Variants in ADA observed in about 807,000 individuals in gnomAD.
The protein encoded by ADA is adenosine deaminase, also known as adenosine aminohydrolase.
A neutral mutation model predicts 49.0 loss-of-function variants in ADA; 45 were observed. The observed-to-expected ratio is 0.92, with a 90% CI of 0.72 to 1.18. The LOEUF is 1.18. Among genes scored for constraint, ADA ranks in the 50% most tolerant of loss-of-function variants. ADA has a pLI of 0.00. For synonymous variants in ADA, 173 were observed against 184.2 expected, an observed-to-expected ratio of 0.94 and a Z score of 0.49; for missense variants, 445 against 472.5, an observed-to-expected ratio of 0.94 and a Z score of 0.54.
rs1288751372 is a variant in ADA at position 44,629,041 on chromosome 20, A to T, written c.218+6T>A. 1 of 1,614,030 alleles carries T rather than the reference A, an allele frequency of 6.2e-7. No individual in the cohort carries two copies. The highest frequency in any genetic ancestry group is 8.5e-7 in the Non-Finnish European group (1 of 1,180,036). ...CCCTAGGACCTGTGGGTTGGGGGCA[A>T]CTCACGCGATAGCAGGCATGTAGTA... On this transcript the variant is annotated splice_donor_region_variant and intron_variant, in intron 3 of 11. Coordinates refer to ENST00000372874, the MANE Select transcript of ADA (RefSeq NM_000022.4).
chr20:44,636,644 G>A (rs769302037), intron 1 of ADA, among the ~76,000 whole-genome samples: 11 of 152,092 alleles, frequency 7.2e-5, no homozygotes, highest in South Asian at 2.1e-4. Context: ...TGGCAGAGGC[G>A]GAATTCTAAC....
At position 44,624,346 on chromosome 20, in the gene ADA, C is replaced by T; in HGVS notation, c.479-17G>A. ...GGGACCAGTCTGTGGGCGAGATGCC[C>T]ACCCAGGCTCTGTCACCAGCACCAT... On this transcript the variant is annotated splice_polypyrimidine_tract_variant and intron_variant, in intron 5 of 11. Coordinates refer to ENST00000372874, the MANE Select transcript of ADA (RefSeq NM_000022.4). The T allele has an allele frequency of 6.2e-7, 1 of 1,612,518 alleles. No homozygotes were observed. The highest frequency in any genetic ancestry group is 8.5e-7 in the Non-Finnish European group (1 of 1,179,672).
chr20:44,635,984 G>A, intron 2 of ADA: 1 of 557,960 alleles, frequency 1.8e-6, no homozygotes. Context: ...CTCAGGCCTG[G>A]CTCACCTGAC....
chr20:44,622,820 C>T lies in ADA; in HGVS notation c.780+9G>A, dbSNP rs749159675. On this transcript the variant is annotated intron_variant, in intron 8 of 11. Coordinates refer to ENST00000372874, the MANE Select transcript of ADA (RefSeq NM_000022.4). ...GGGATGGTTCCTCCCCACTCCCTGG[C>T]CCGCTTACCTCGAAGTGCATGTTTT... 2 of 1,614,224 alleles carry T rather than the reference C, an allele frequency of 1.2e-6. No homozygotes were observed. Among genetic ancestry groups the T allele is most frequent in the African/African-American group, 1.3e-5 (1 of 75,058 alleles).
chr20:44,647,671 G>A (rs1439312953), intron 1 of ADA, among the ~76,000 whole-genome samples: 1 of 151,912 alleles, frequency 6.6e-6, no homozygotes, highest in African/African-American at 2.4e-5. Flanking sequence ...TAATCCCAGC[G>A]CTTTGGGAAG....
chr20:44,632,447 AG>A (rs2065442153), intron 2 of ADA, among the ~76,000 whole-genome samples: 1 of 152,078 alleles, frequency 6.6e-6, no homozygotes, highest in African/African-American at 2.4e-5. Flanking sequence ...AACAAATTGG[AG>A]GGAAGCCAGA....
In ADA at chr20:44,651,686, T is replaced by A; in HGVS notation, c.-79A>T. The A allele has an allele frequency of 7.0e-7, 1 of 1,424,408 alleles. No homozygotes were observed. The highest frequency in any genetic ancestry group is 3.1e-5 in the East Asian group (1 of 31,970). The allele number at this position is 1,424,408 out of a possible 1,614,324, so 88.2% of individuals were successfully genotyped here. Reference sequence around the variant, plus strand: ...TGCCGGCTCGGTGGCCGCTCGGCTTTCCCTGGGGCCAGCGGTGGCCGCGGC... The same window carrying A: ...TGCCGGCTCGGTGGCCGCTCGGCTTACCCTGGGGCCAGCGGTGGCCGCGGC... On this transcript the variant is annotated 5_prime_UTR_variant, in exon 1 of 12. Transcript: ENST00000372874.
intron 1 of ADA, among the ~76,000 whole-genome samples, chr20:44,641,128 A>G (rs1453906134): frequency 6.6e-6 from 1 of 152,202 alleles, no homozygotes; most frequent in Non-Finnish European, 1.5e-5. Flanking sequence ...CCGTCGGGCT[A>G]AAAGCGCAGG....
chr20:44,620,232 A>G, intron 11 of ADA, 67 bp downstream of exon 11: 1 of 1,345,616 alleles, frequency 7.4e-7, no homozygotes, highest in Non-Finnish European at 1.1e-6. Flanking sequence ...TCTTGCTAGA[A>G]GTCCCACAGA....
intron 2 of ADA, among the ~76,000 whole-genome samples, chr20:44,634,721 G>C (rs963293083): frequency 1.1e-4 from 17 of 152,264 alleles, no homozygotes; most frequent in African/African-American, 3.9e-4. Context: ...AGTGCGAAAA[G>C]ATGGAGAATA....
intron 1 of ADA, among the ~76,000 whole-genome samples, chr20:44,643,166 A>C (rs773445371): frequency 6.6e-6 from 1 of 152,236 alleles, no homozygotes; most frequent in Admixed American, 6.5e-5. Flanking sequence ...TTCAGGGAAA[A>C]GGGTCAGCAG....
chr20:44,623,987 T>A (rs2065357905), intron 6 of ADA: 1 of 602,338 alleles, frequency 1.7e-6, no homozygotes, highest in African/African-American at 1.8e-5. Flanking sequence ...GCTCAAGCAA[T>A]CCTCCTGCCT....
rs374812597 is a variant in ADA, at chr20:44,622,656, G to A, written c.781-4C>T. ...GGTAGCTGGACCAGGGGCAGATCTG[G>A]AAGAGCAGGTGTGTGGCTGGCAGGG... On this transcript the variant is annotated splice_region_variant and splice_polypyrimidine_tract_variant and intron_variant, in intron 8 of 11. Transcript: ENST00000372874. 1 of 1,614,200 alleles carries A rather than the reference G, an allele frequency of 6.2e-7. No individual in the cohort carries two copies. The highest frequency in any genetic ancestry group is 8.5e-7 in the Non-Finnish European group (1 of 1,180,028).
At position 44,651,629 on chromosome 20, in the gene ADA, G is replaced by A. The variant is rs1245819010; in HGVS notation, c.-22C>T. The A allele has an allele frequency of 1.3e-5, 19 of 1,512,782 alleles. No homozygotes were observed. The South Asian group carries it at 2.2e-4, about 17-fold the overall frequency. The allele number at this position is 1,512,782 out of a possible 1,614,324, so 93.7% of individuals were successfully genotyped here. A position where few individuals can be genotyped will look rare whatever the true frequency, so the allele number is the denominator to read the frequency against. On this transcript the variant is annotated 5_prime_UTR_variant, in exon 1 of 12. Transcript: ENST00000372874. ...CCATGGTGCCCTCGTGCGCCCCGGC[G>A]CTGCTCCCTCCGCCGCCGCTCGGTG...
chr20:44,640,605 T>G (rs1053122240), intron 1 of ADA, among the ~76,000 whole-genome samples: 3 of 150,562 alleles, frequency 2.0e-5, no homozygotes, highest in African/African-American at 7.4e-5. Flanking sequence ...GGGCAGAGAT[T>G]CCAGTGAGCC....
rs1374687893 is a variant in ADA, at chr20:44,619,698, A to G, written c.*136T>C. On this transcript the variant is annotated 3_prime_UTR_variant, in exon 12 of 12. Transcript: ENST00000372874. The stretch of plus-strand genomic sequence containing the variant: ...GAGGTATACGTGTGTGCAGAAATGG[A>G]CACATAGGGTTCAGGAGCATCAGTA... 3.4e-6 allele frequency: 4 copies of G among 1,179,550 alleles called. No homozygotes were observed. In the African/African-American group the frequency reaches 6.0e-5, roughly 18 times the overall value. 73.1% of individuals were successfully genotyped at this position (1,179,550 alleles called of 1,614,324 possible). A position where few individuals can be genotyped will look rare whatever the true frequency, so the allele number is the denominator to read the frequency against.
At chr20:44,628,281 T>G (rs60326206) in intron 3 of ADA, among the ~76,000 whole-genome samples, 4 of 152,112 alleles carry the variant, frequency 2.6e-5, no homozygotes, top group African/African-American at 9.7e-5. Flanking sequence ...TCCCAGCATT[T>G]TGGGAGGCCG....
intron 1 of ADA, among the ~76,000 whole-genome samples, chr20:44,637,962 G>A (rs2065495652): frequency 1.3e-5 from 2 of 152,234 alleles, no homozygotes; most frequent in South Asian, 4.1e-4. Flanking sequence ...CGGCCAACCA[G>A]CTGTGTGACC....
At chr20:44,624,387 C>T in intron 5 of ADA, 58 bp from the exon 6 acceptor site, 2 of 1,608,178 alleles carry the variant, frequency 1.2e-6, no homozygotes, top group East Asian at 4.5e-5. Flanking sequence ...GACCTCCCAG[C>T]CTACCTGCCT....
Sources: gnomAD v4.1 joint callset for allele counts (sites outside exome capture counted in the v4.1 genomes callset) on GRCh38, gnomAD v4.1.1 for gene constraint, MANE v1.5 for transcripts, NCBI Gene and HGNC (gene_info 2026-07-23, HGNC 2026-07-21) for gene names.